The following CNTNAP2 variants were observed in gnomAD, a reference collection of about 807,000 sequenced individuals.
The protein encoded by CNTNAP2 is contactin-associated protein-like 2.
Under a neutral mutation model 155.2 loss-of-function variants are expected in CNTNAP2, and 98 were observed. The ratio of observed to expected loss-of-function variants is 0.63; its 90% CI spans 0.54 to 0.75. The LOEUF (loss-of-function observed/expected upper bound fraction) is 0.75, where lower values mean the gene tolerates loss of function less well. Among genes scored for constraint, CNTNAP2 ranks in the 30% least tolerant of loss-of-function variants. The probability of loss-of-function intolerance (pLI) is 0.00; values close to 1 mark genes in which losing one functional copy is unlikely to be tolerated. For missense variants in CNTNAP2, 1,727 were observed against 1,688.1 expected (o/e 1.02, Z -0.40); for synonymous variants, 651 against 631.2 (o/e 1.03, Z -0.47).
At chr7:147,081,093 G>A (rs1800115640) in intron 4 of CNTNAP2, 1 of 152,108 alleles carries the variant, frequency 6.6e-6, no homozygotes, top group Admixed American at 6.5e-5. Flanking sequence ...ACACAACAGT[G>A]CTAAGAACCA....
At chr7:146,453,829 A>T (rs1025603918) in intron 1 of CNTNAP2, among the ~76,000 whole-genome samples, 1 of 152,176 alleles carries the variant, frequency 6.6e-6, no homozygotes, top group Non-Finnish European at 1.5e-5. Context: ...GAAGTTGAAG[A>T]CAGCAACAGA....
At chr7:147,421,879 C>T (rs1401344679) in intron 10 of CNTNAP2, among the ~76,000 whole-genome samples, 1 of 151,878 alleles carries the variant, frequency 6.6e-6, no homozygotes, top group African/African-American at 2.4e-5. Context: ...CCCATTCTTG[C>T]CCTGTGAGAT....
intron 13 of CNTNAP2, among the ~76,000 whole-genome samples, chr7:147,852,851 G>C (rs979218364): frequency 3.3e-5 from 5 of 152,086 alleles, no homozygotes; most frequent in Admixed American, 2.0e-4. Flanking sequence ...AGACATTTAA[G>C]ATATTATTTT....
At chr7:146,330,178 A>G (rs1290975067) in intron 1 of CNTNAP2, among the ~76,000 whole-genome samples, 2 of 151,748 alleles carry the variant, frequency 1.3e-5, no homozygotes, top group African/African-American at 4.8e-5. Flanking sequence ...ATGCACCACC[A>G]TGCCCAGCTA....
In CNTNAP2 at chr7:147,110,291, G is replaced by A. The variant is rs1181539772; in HGVS notation, c.754+1941G>A. On this transcript the variant is annotated intron_variant, in intron 5 of 23. Transcript: ENST00000361727. Reference sequence around the variant, plus strand: ...ATGATGTAGCTAGGATTTACTTAAAGCTAAAGTGAAGATCTGCAAGATTGG... The same window carrying A: ...ATGATGTAGCTAGGATTTACTTAAAACTAAAGTGAAGATCTGCAAGATTGG... 2.0e-5 allele frequency among the ~76,000 whole-genome samples: 3 copies of A among 152,086 alleles called. No homozygotes were observed. The East Asian group carries it at 5.8e-4, about 29-fold the overall frequency.
chr7:147,321,309 C>A (rs1171082590), intron 9 of CNTNAP2, among the ~76,000 whole-genome samples: 2 of 152,190 alleles, frequency 1.3e-5, no homozygotes, highest in Admixed American at 6.5e-5. Context: ...GGTAGATAAC[C>A]CTTACCTGAA....
intron 1 of CNTNAP2, among the ~76,000 whole-genome samples, chr7:146,671,438 C>A (rs1436708688): frequency 6.6e-6 from 1 of 151,782 alleles, no homozygotes; most frequent in Admixed American, 6.6e-5. Flanking sequence ...CTCACACACA[C>A]ACACACACAC....
chr7:146,325,374 T>A (rs1459358141), intron 1 of CNTNAP2, among the ~76,000 whole-genome samples: 9 of 152,216 alleles, frequency 5.9e-5, no homozygotes, highest in African/African-American at 2.2e-4. Flanking sequence ...ACTTTGTGAA[T>A]CAAAGCCAAT....
At chr7:148,062,451 T>A (rs1803176151) in intron 15 of CNTNAP2, among the ~76,000 whole-genome samples, 1 of 151,920 alleles carries the variant, frequency 6.6e-6, no homozygotes, top group South Asian at 2.1e-4. Flanking sequence ...TAGAAGAAAA[T>A]GTGGCATATT....
intron 21 of CNTNAP2, among the ~76,000 whole-genome samples, chr7:148,270,278 C>T (rs1796751291): frequency 6.6e-6 from 1 of 152,236 alleles, no homozygotes; most frequent in African/African-American, 2.4e-5. Flanking sequence ...ATGAAGGTTA[C>T]ACCCTGTATT....
At chr7:148,238,347 C>CA (rs199873130) in intron 20 of CNTNAP2, among the ~76,000 whole-genome samples, 40 of 150,748 alleles carry the variant, frequency 2.7e-4, no homozygotes, top group African/African-American at 9.5e-4. Flanking sequence ...AACTCCATCT[C>CA]AAAAAAAAAG....
intron 8 of CNTNAP2, among the ~76,000 whole-genome samples, chr7:147,204,303 G>A (rs1448215724): frequency 2.6e-5 from 4 of 152,024 alleles, no homozygotes; most frequent in Non-Finnish European, 5.9e-5. Flanking sequence ...GTATAAAAAT[G>A]TTGCATTTAA....
chr7:146,667,066 C>T (rs1490970074), intron 1 of CNTNAP2, among the ~76,000 whole-genome samples: 1 of 151,994 alleles, frequency 6.6e-6, no homozygotes, highest in East Asian at 1.9e-4. Context: ...TTTTCCAGAC[C>T]AGTGTCTTGA....
At chr7:148,138,554 T>A (rs1486979220) in intron 16 of CNTNAP2, among the ~76,000 whole-genome samples, 1 of 152,166 alleles carries the variant, frequency 6.6e-6, no homozygotes, top group Non-Finnish European at 1.5e-5. Flanking sequence ...ACAACCTGAA[T>A]ATGGTCGGAA....
chr7:147,583,428 A>AT (rs1021764879), intron 12 of CNTNAP2, among the ~76,000 whole-genome samples: 3 of 147,900 alleles, frequency 2.0e-5, no homozygotes, highest in African/African-American at 5.0e-5. Flanking sequence ...CTACAACTCT[A>AT]TTTTTTTTCC....
intron 13 of CNTNAP2, among the ~76,000 whole-genome samples, chr7:147,841,692 T>A (rs1798734171): frequency 6.6e-6 from 1 of 152,190 alleles, no homozygotes; most frequent in African/African-American, 2.4e-5. Flanking sequence ...AAGTCCCAAG[T>A]GGGAATAATT....
At chr7:146,720,712 T>C (rs1801271555) in intron 1 of CNTNAP2, among the ~76,000 whole-genome samples, 4 of 151,960 alleles carry the variant, frequency 2.6e-5, no homozygotes, top group African/African-American at 7.2e-5. Context: ...TTATAGATTG[T>C]ATGTCTGTCT....
chr7:146,196,112 T>C (rs761826455), intron 1 of CNTNAP2, among the ~76,000 whole-genome samples: 2 of 152,216 alleles, frequency 1.3e-5, no homozygotes, highest in Non-Finnish European at 2.9e-5. Flanking sequence ...AGTTTGCATA[T>C]GCATATGGAA....
chr7:147,575,161 G>A (rs1800366285), intron 12 of CNTNAP2, among the ~76,000 whole-genome samples: 1 of 92,770 alleles, frequency 1.1e-5, no homozygotes, highest in Non-Finnish European at 2.1e-5. Flanking sequence ...GTATTCCCTA[G>A]CTTTAGGAGT....
Sources: gnomAD v4.1 joint callset for allele counts (sites outside exome capture counted in the v4.1 genomes callset) on GRCh38, gnomAD v4.1.1 for gene constraint, MANE v1.5 for transcripts, NCBI Gene and HGNC (gene_info 2026-07-23, HGNC 2026-07-21) for gene names.